The following WNK3 variants were observed in gnomAD, a reference collection of about 807,000 sequenced individuals.
WNK3 encodes the protein WNK lysine deficient protein kinase 3, also known as serine/threonine-protein kinase WNK3.
Under a neutral mutation model 116.7 loss-of-function variants are expected in WNK3, and 18 were observed. The observed-to-expected ratio is 0.15, with a 90% CI of 0.11 to 0.23. WNK3 has a LOEUF of 0.23. WNK3 is among the 10% of genes least tolerant of loss of function. The pLI is 1.00. For synonymous variants in WNK3, 404 were observed against 469.4 expected, an observed-to-expected ratio of 0.86 and a Z score of 1.80; for missense variants, 993 against 1,323.8, an observed-to-expected ratio of 0.75 and a Z score of 3.88.
At chrX:54,339,471 T>A (rs2069289948) in intron 1 of WNK3, among the ~76,000 whole-genome samples, 1 of 111,238 alleles carries the variant, frequency 9.0e-6, no homozygotes, top group Non-Finnish European at 1.9e-5. Flanking sequence ...TTAAAGAGAT[T>A]GAAATCATAC....
intron 5 of WNK3, among the ~76,000 whole-genome samples, chrX:54,303,219 TAAAC>T (rs1371811809): frequency 9.1e-6 from 1 of 110,145 alleles, no homozygotes; most frequent in Non-Finnish European, 1.9e-5. Context: ...TTTTTATCCT[TAAAC>T]AATAATAAAA....
At chrX:54,249,938 T>TTAAAG in intron 16 of WNK3, 56 bp downstream of exon 16, 1 of 1,133,056 alleles carries the variant, frequency 8.8e-7, no homozygotes, top group Non-Finnish European at 1.2e-6. Context: ...ATATCATATG[T>TTAAAG]ATTTTGCATC....
chrX:54,228,985 T>G (rs1279696221), intron 21 of WNK3, among the ~76,000 whole-genome samples: 1 of 111,054 alleles, frequency 9.0e-6, no homozygotes, highest in Non-Finnish European at 1.9e-5. Flanking sequence ...GGCATAAAGA[T>G]TAAAAAGGGA....
At chrX:54,299,704 C>A (rs910529849) in intron 6 of WNK3, among the ~76,000 whole-genome samples, 1 of 110,667 alleles carries the variant, frequency 9.0e-6, no homozygotes, top group Admixed American at 9.8e-5. Flanking sequence ...CTGTGCCCGT[C>A]CCTAAGACTA....
intron 22 of WNK3, among the ~76,000 whole-genome samples, chrX:54,208,420 G>A (rs993990215): frequency 9.0e-6 from 1 of 110,804 alleles, no homozygotes; most frequent in African/African-American, 3.3e-5. Flanking sequence ...CACCGCGCCC[G>A]GCCCAATATA....
intron 10 of WNK3, among the ~76,000 whole-genome samples, chrX:54,274,005 T>C (rs1351911803): frequency 1.8e-5 from 2 of 111,390 alleles, no homozygotes; most frequent in Non-Finnish European, 3.8e-5. Flanking sequence ...TCCTCTACAG[T>C]AACTGGCAGC....
At chrX:54,302,051 T>TA (rs1164968106) in intron 5 of WNK3, among the ~76,000 whole-genome samples, 192 bp from the exon 6 acceptor site, 1 of 111,209 alleles carries the variant, frequency 9.0e-6, no homozygotes, top group African/African-American at 3.3e-5. Context: ...CAAATAACAG[T>TA]AAAAAAACCT....
intron 1 of WNK3, among the ~76,000 whole-genome samples, chrX:54,345,269 A>T (rs868961346): frequency 7.0e-5 from 7 of 100,635 alleles, no homozygotes; most frequent in Admixed American, 5.7e-4. Flanking sequence ...CAACAACAAC[A>T]ACAACTATAT....
At chrX:54,239,823 C>T (rs908293328) in intron 17 of WNK3, among the ~76,000 whole-genome samples, 1 of 111,029 alleles carries the variant, frequency 9.0e-6, no homozygotes, top group Non-Finnish European at 1.9e-5. Context: ...AAGATAAATC[C>T]CCTATAATAA....
intron 2 of WNK3, among the ~76,000 whole-genome samples, chrX:54,321,900 G>T (rs1171522409): frequency 2.8e-5 from 3 of 107,017 alleles, no homozygotes; most frequent in Non-Finnish European, 5.8e-5. Flanking sequence ...CAGAAAATTC[G>T]CTTGACCCCG....
rs1053527157 is a variant in WNK3, at chrX:54,305,337, A to G, written c.1089+2585T>C. 2.7e-5 allele frequency among the ~76,000 whole-genome samples: 3 copies of G among 111,666 alleles called. No homozygotes were observed. The Admixed American group carries it at 2.9e-4, about 11-fold the overall frequency. On this transcript the variant is annotated intron_variant, in intron 5 of 23. Coordinates refer to ENST00000354646, the Ensembl canonical transcript of WNK3. ...ACAGTGCATCTCTTCCCAACTCTTCATTCAGTGAGGTCACATTGGTAACCT... is the reference window on the plus strand; with the variant it reads ...ACAGTGCATCTCTTCCCAACTCTTCGTTCAGTGAGGTCACATTGGTAACCT...
intron 22 of WNK3, among the ~76,000 whole-genome samples, chrX:54,204,762 C>T (rs1199092346): frequency 4.5e-5 from 5 of 112,324 alleles, no homozygotes; most frequent in African/African-American, 1.6e-4. Flanking sequence ...AGAAGAATGT[C>T]AGCAGGTAGA....
intron 22 of WNK3, among the ~76,000 whole-genome samples, chrX:54,227,694 GATGA>G (rs1484271488): frequency 8.9e-6 from 1 of 112,024 alleles, no homozygotes; most frequent in Non-Finnish European, 1.9e-5. Flanking sequence ...TGTAATCACT[GATGA>G]ATGAATAAAA....
rs192647626 is a variant in WNK3, at chrX:54,263,616, A to G, written c.2038-4278T>C. On this transcript the variant is annotated intron_variant, in intron 10 of 23. Transcript: ENST00000354646. ...TTTAAAACCATTTCACACTAAAAAG[A>G]ACCAAAGCTGGGCGAGATTAAATAA... Among the ~76,000 whole-genome samples the G allele has an allele frequency of 1.4e-3, 159 of 111,979 alleles. 2 individuals are homozygous for G. Among genetic ancestry groups the G allele is most frequent in the African/African-American group, 5.0e-3 (153 of 30,897 alleles).
chrX:54,335,444 A>G (rs1415002024), intron 1 of WNK3, among the ~76,000 whole-genome samples: 1 of 111,925 alleles, frequency 8.9e-6, no homozygotes, highest in Non-Finnish European at 1.9e-5. Flanking sequence ...ATATGTGGGA[A>G]AAAGTTTTTC....
In WNK3 at chrX:54,348,124, ATG is replaced by A. The variant is rs781868512; in HGVS notation, c.-120+9560_-120+9561del. The stretch of plus-strand genomic sequence containing the variant: ...TAACATTGTAGATTTCATTGTATAT[ATG>A]TGTGTGTGTGTGTGTGTGTGTGTGT... On this transcript the variant is annotated intron_variant, in intron 1 of 23. Transcript: ENST00000354646. Among the ~76,000 whole-genome samples the A allele has an allele frequency of 8.9e-3, 911 of 102,281 alleles. 8 individuals carry two copies. Among genetic ancestry groups the A allele is most frequent in the Middle Eastern group, 0.015 (3 of 203 alleles). 88.8% of individuals were successfully genotyped at this position (102,281 alleles called of 115,157 possible).
rs956582180 is a variant in WNK3, at chrX:54,238,905, C to T, written c.3846G>A (p.Gln1282=). Residue 1282 remains glutamine (Q), a synonymous_variant, in exon 18 of 24, where the codon CAG becomes CAA. Coordinates refer to ENST00000354646, the Ensembl canonical transcript of WNK3. ...TTGATCTCTTGAAAAAGCTGGTTGA[C>T]TGCCGTAGCCTGTATGCCCAGCTTT... 5 of 1,186,423 alleles carry T rather than the reference C, an allele frequency of 4.2e-6. No homozygotes were observed. The African/African-American group carries it at 8.9e-5, about 21-fold the overall frequency.
chrX:54,317,620 G>A (rs781824749), intron 2 of WNK3, among the ~76,000 whole-genome samples: 2 of 110,280 alleles, frequency 1.8e-5, no homozygotes, highest in East Asian at 2.9e-4. Flanking sequence ...TGGGGAATGG[G>A]AAGTTAAATT....
chrX:54,293,282 T>C (rs2068660620), exon 9 of WNK3: 1 of 1,206,157 alleles, frequency 8.3e-7, no homozygotes, highest in Non-Finnish European at 1.1e-6. Context: ...ACTTGAAGTA[T>C]CTGAATGTAT....
Sources: allele counts gnomAD v4.1 joint callset (sites outside exome capture counted in the v4.1 genomes callset), GRCh38; gene constraint gnomAD v4.1.1; transcripts MANE v1.5; gene names NCBI Gene and HGNC (gene_info 2026-07-23, HGNC 2026-07-21).